Variants in IKZF3 observed in about 807,000 individuals in gnomAD.
The protein encoded by IKZF3 is IKAROS family zinc finger 3.
A neutral mutation model predicts 49.0 loss-of-function variants in IKZF3; 10 were observed. The ratio of observed to expected loss-of-function variants is 0.20; its 90% CI spans 0.13 to 0.35. The LOEUF is 0.35. Among genes scored for constraint, IKZF3 ranks in the 10% least tolerant of loss-of-function variants. The pLI, the probability that IKZF3 is intolerant of heterozygous loss-of-function variation, is 1.00. For synonymous variants in IKZF3, 209 were observed against 228.2 expected (o/e 0.92, Z 0.76); for missense variants, 498 against 664.8 (o/e 0.75, Z 2.76).
intron 3 of IKZF3, among the ~76,000 whole-genome samples, chr17:39,820,485 T>G (rs1464062479): frequency 6.6e-6 from 1 of 152,356 alleles, no homozygotes; most frequent in African/African-American, 2.4e-5. Context: ...TTTCTTTCTA[T>G]TTCAATGAAC....
At chr17:39,829,754 C>T (rs748264184) in intron 2 of IKZF3, among the ~76,000 whole-genome samples, 1 of 152,016 alleles carries the variant, frequency 6.6e-6, no homozygotes, top group African/African-American at 2.4e-5. Flanking sequence ...GAGTTCGAGA[C>T]CAGCCTGGCC....
At position 39,765,736 on chromosome 17, in the gene IKZF3, T is replaced by C. The variant is rs1034356310; in HGVS notation, c.*54A>G. 2.9e-6 allele frequency: 4 copies of C among 1,366,024 alleles called. No individual in the cohort carries two copies. The highest frequency in any genetic ancestry group is 2.9e-5 in the African/African-American group (2 of 69,150). 84.6% of individuals were successfully genotyped at this position (1,366,024 alleles called of 1,614,324 possible). ...GAGAGCAATCTGTTAGGCGAGGTCA[T>C]TGGTTTTTAGAAACGATGCTGAATA... On this transcript the variant is annotated 3_prime_UTR_variant, in exon 8 of 8. Transcript: ENST00000346872.
intron 1 of IKZF3, among the ~76,000 whole-genome samples, 195 bp from the exon 2 acceptor site, chr17:39,832,346 T>C (rs1424344073): frequency 6.6e-6 from 1 of 152,056 alleles, no homozygotes; most frequent in Non-Finnish European, 1.5e-5. Flanking sequence ...GATGCAGCAA[T>C]GTTACTCTAA....
intron 6 of IKZF3, among the ~76,000 whole-genome samples, chr17:39,786,538 G>A (rs1398931614): frequency 1.3e-5 from 2 of 152,176 alleles, no homozygotes; most frequent in Admixed American, 6.5e-5. Context: ...CACTTAAGAT[G>A]TCAAAATCTT....
chr17:39,780,201 T>C (rs2060703486), intron 6 of IKZF3, among the ~76,000 whole-genome samples: 1 of 146,562 alleles, frequency 6.8e-6, no homozygotes, highest in South Asian at 2.1e-4. Context: ...AACCTATTAG[T>C]GCCAGTGCAC....
At chr17:39,779,825 T>G (rs1486364596) in intron 6 of IKZF3, among the ~76,000 whole-genome samples, 5 of 152,104 alleles carry the variant, frequency 3.3e-5, no homozygotes, top group Non-Finnish European at 7.3e-5. Flanking sequence ...CTTCGGGAGA[T>G]CCAAACTAAA....
intron 7 of IKZF3, among the ~76,000 whole-genome samples, chr17:39,776,963 A>G (rs2060606767): frequency 6.6e-6 from 1 of 152,240 alleles, no homozygotes; most frequent in African/African-American, 2.4e-5. Context: ...CACAAATACA[A>G]ATCTATTTCA....
At chr17:39,851,382 G>A (rs2062872212) in intron 1 of IKZF3, among the ~76,000 whole-genome samples, 1 of 152,048 alleles carries the variant, frequency 6.6e-6, no homozygotes, top group African/African-American at 2.4e-5. Flanking sequence ...CAAAAGACAT[G>A]CAAAAGAATG....
chr17:39,850,980 A>T (rs2144520086), intron 1 of IKZF3, among the ~76,000 whole-genome samples: 1 of 143,038 alleles, frequency 7.0e-6, no homozygotes, highest in Non-Finnish European at 1.5e-5. Context: ...TGTATATATT[A>T]TATATGTGTA....
chr17:39,860,104 C>T (rs77924338), intron 1 of IKZF3, among the ~76,000 whole-genome samples: 3,601 of 152,106 alleles, frequency 0.024, 59 homozygotes, highest in Non-Finnish European at 0.036. Flanking sequence ...CAGGTCATGG[C>T]GGTTTGTACA....
intron 7 of IKZF3, 27 bp from the exon 8 acceptor site, chr17:39,766,520 A>G: frequency 1.3e-6 from 2 of 1,563,752 alleles, no homozygotes. Context: ...AAAGGGTTAC[A>G]AAGGGAACAC....
intron 3 of IKZF3, among the ~76,000 whole-genome samples, chr17:39,803,795 G>A (rs903823864): frequency 2.0e-5 from 3 of 152,068 alleles, no homozygotes; most frequent in Non-Finnish European, 4.4e-5. Context: ...TTACAGGCGT[G>A]AGCCACCGCG....
chr17:39,864,006 T>C (rs1486654520), intron 1 of IKZF3, 114 bp downstream of exon 1: 4 of 1,398,114 alleles, frequency 2.9e-6, no homozygotes, highest in Admixed American at 3.4e-5. Context: ...TATTTACTTT[T>C]GACAAAAGAA....
chr17:39,828,597 C>T (rs2062020196), intron 3 of IKZF3, among the ~76,000 whole-genome samples: 1 of 152,160 alleles, frequency 6.6e-6, no homozygotes, highest in South Asian at 2.1e-4. Context: ...ACCTGGGGAC[C>T]TGGTACTTGA....
intron 1 of IKZF3, chr17:39,839,650 T>C (rs994583697): frequency 3.9e-5 from 13 of 337,456 alleles, no homozygotes; most frequent in Admixed American, 1.9e-4. Context: ...GTGGTATGAT[T>C]TGAGCCCTCT....
chr17:39,845,483 C>G (rs919123627), intron 1 of IKZF3, among the ~76,000 whole-genome samples: 13 of 151,186 alleles, frequency 8.6e-5, no homozygotes, highest in Non-Finnish European at 1.5e-4. Context: ...GAGATTGCCC[C>G]GTTGCACTCC....
intron 2 of IKZF3, among the ~76,000 whole-genome samples, 189 bp from the exon 3 acceptor site, chr17:39,829,677 C>T (rs756480081): frequency 1.3e-5 from 2 of 152,182 alleles, no homozygotes; most frequent in African/African-American, 4.8e-5. Flanking sequence ...GCCCAGGGTT[C>T]GCAGTGGCTC....
At chr17:39,800,492 A>C (rs545024586) in intron 3 of IKZF3, among the ~76,000 whole-genome samples, 5 of 152,332 alleles carry the variant, frequency 3.3e-5, no homozygotes, top group Admixed American at 3.3e-4. Flanking sequence ...TGATAAAGGT[A>C]ATTGCTATAC....
intron 1 of IKZF3, among the ~76,000 whole-genome samples, chr17:39,849,281 C>T (rs28896477): frequency 0.072 from 6,665 of 92,972 alleles, 221 homozygotes; most frequent in African/African-American, 0.14. Context: ...TAAAACAATA[C>T]AAAAATTAGC....
Sources: gnomAD v4.1 joint callset for allele counts (sites outside exome capture counted in the v4.1 genomes callset) on GRCh38, gnomAD v4.1.1 for gene constraint, MANE v1.5 for transcripts, NCBI Gene and HGNC (gene_info 2026-07-23, HGNC 2026-07-21) for gene names.